The following CSMD3 variants were observed in gnomAD, a reference collection of about 807,000 sequenced individuals.
CSMD3 encodes CUB and sushi domain-containing protein 3.
A neutral mutation model predicts 435.2 loss-of-function variants in CSMD3; 177 were observed. That is an observed-to-expected ratio of 0.41 (90% confidence interval 0.36 to 0.46). The LOEUF (loss-of-function observed/expected upper bound fraction) is 0.46. Ranked by LOEUF, CSMD3 falls within the 20% of genes least tolerant of loss-of-function variation. The pLI is 0.34. For missense variants in CSMD3, 4,265 were observed against 4,504.6 expected (o/e 0.95, Z 1.52); for synonymous variants, 1,656 against 1,520.5 (o/e 1.09, Z -2.07).
At chr8:112,919,455 A>G (rs2130608300) in intron 10 of CSMD3, among the ~76,000 whole-genome samples, 1 of 152,022 alleles carries the variant, frequency 6.6e-6, no homozygotes. Context: ...TTGAATGAAC[A>G]AAGATGCTAT....
chr8:113,332,913 G>A (rs927933723), intron 1 of CSMD3, among the ~76,000 whole-genome samples: 1 of 151,630 alleles, frequency 6.6e-6, no homozygotes, highest in African/African-American at 2.4e-5. Flanking sequence ...GCATGGTACT[G>A]GTGGCATAAA....
In CSMD3 at chr8:113,019,120, T is replaced by C. The variant is rs770486527; in HGVS notation, c.977A>G (p.His326Arg). 11 of 1,613,762 alleles carry C rather than the reference T, an allele frequency of 6.8e-6. No individual in the cohort carries two copies. The highest frequency in any genetic ancestry group is 1.3e-5 in the African/African-American group (1 of 74,924). The change falls in exon 6 of 71, where the codon CAT (histidine) becomes CGT (arginine). Residue 326 changes from histidine (H) to arginine (R), a missense_variant. By Grantham distance (29) the His-to-Arg change is conservative. Transcript: ENST00000297405. ...IISNKNWLRL[H>R]FVTDSNHRYR... ...TCGATGATTGCTGTCTGTAACAAAATGCAGTCTGAGCCAGTTTTTGTTGCT... is the reference window on the plus strand; with the variant it reads ...TCGATGATTGCTGTCTGTAACAAAACGCAGTCTGAGCCAGTTTTTGTTGCT...
intron 10 of CSMD3, among the ~76,000 whole-genome samples, chr8:112,895,652 A>G (rs1029046859): frequency 6.6e-6 from 1 of 151,400 alleles, no homozygotes; most frequent in African/African-American, 2.4e-5. Context: ...AAGAGACTGA[A>G]CAGAAAAGAT....
chr8:113,411,554 A>C (rs1429162363), intron 1 of CSMD3, among the ~76,000 whole-genome samples: 1 of 152,154 alleles, frequency 6.6e-6, no homozygotes, highest in Non-Finnish European at 1.5e-5. Context: ...AACTTCAATA[A>C]GTTTTTTGGT....
intron 5 of CSMD3, among the ~76,000 whole-genome samples, chr8:113,086,091 C>A (rs187180259): frequency 0.43 from 65,197 of 151,300 alleles, 16,483 homozygotes; most frequent in East Asian, 0.86. Context: ...AACACACACA[C>A]ACAAAAATTA....
At chr8:112,482,619 T>C (rs1819738759) in intron 31 of CSMD3, among the ~76,000 whole-genome samples, 1 of 152,212 alleles carries the variant, frequency 6.6e-6, no homozygotes, top group Admixed American at 6.5e-5. Flanking sequence ...ATCTGAATTA[T>C]TGGCAGTTTT....
intron 32 of CSMD3, among the ~76,000 whole-genome samples, chr8:112,413,519 T>C (rs1301612466): frequency 6.6e-6 from 1 of 152,144 alleles, no homozygotes; most frequent in Admixed American, 6.5e-5. Context: ...GTGTGTAAGA[T>C]GGCATAAAGA....
At chr8:112,356,663 G>C (rs2131088581) in intron 38 of CSMD3, among the ~76,000 whole-genome samples, 1 of 151,706 alleles carries the variant, frequency 6.6e-6, no homozygotes, top group East Asian at 2.0e-4. Flanking sequence ...GAACCTGGTG[G>C]GAGGTAACTG....
At chr8:112,476,674 T>C (rs1819085650) in intron 31 of CSMD3, among the ~76,000 whole-genome samples, 1 of 152,230 alleles carries the variant, frequency 6.6e-6, no homozygotes, top group Non-Finnish European at 1.5e-5. Context: ...CTGTGTTTTA[T>C]GTATGCCTAT....
chr8:113,365,199 T>C (rs1199592009), intron 1 of CSMD3, among the ~76,000 whole-genome samples: 2 of 152,044 alleles, frequency 1.3e-5, no homozygotes, highest in African/African-American at 2.4e-5. Context: ...AAATAACTCA[T>C]TTTAACATGG....
chr8:112,669,897 T>A (rs1216387087), intron 16 of CSMD3, among the ~76,000 whole-genome samples: 4 of 152,164 alleles, frequency 2.6e-5, no homozygotes, highest in African/African-American at 4.8e-5. Flanking sequence ...ATTTAAATAA[T>A]TTGCATCTGA....
chr8:112,781,605 G>A (rs548104633), intron 13 of CSMD3, among the ~76,000 whole-genome samples: 70 of 152,188 alleles, frequency 4.6e-4, no homozygotes, highest in Non-Finnish European at 8.8e-4. Context: ...GGCAATAGTT[G>A]CCACAGGCCT....
chr8:113,426,024 A>G (rs1330810037), intron 1 of CSMD3, among the ~76,000 whole-genome samples: 1 of 151,506 alleles, frequency 6.6e-6, no homozygotes, highest in Non-Finnish European at 1.5e-5. Flanking sequence ...GTACATAGTT[A>G]GGTCACTTAG....
intron 20 of CSMD3, among the ~76,000 whole-genome samples, chr8:112,639,648 T>C (rs1023841224): frequency 3.3e-5 from 5 of 152,120 alleles, no homozygotes; most frequent in Non-Finnish European, 1.5e-5. Flanking sequence ...CTGCTTTGTA[T>C]ATATATTTTG....
At chr8:112,363,066 G>C (rs1586882122) in intron 38 of CSMD3, among the ~76,000 whole-genome samples, 1 of 152,102 alleles carries the variant, frequency 6.6e-6, no homozygotes, top group South Asian at 2.1e-4. Flanking sequence ...AGAATTCAGA[G>C]TTAAGACCAC....
intron 44 of CSMD3, 63 bp downstream of exon 44, chr8:112,336,589 T>C (rs1824582542): frequency 7.9e-7 from 1 of 1,272,494 alleles, no homozygotes; most frequent in Non-Finnish European, 1.1e-6. Context: ...GATATATTTT[T>C]ATTCCAACCT....
chr8:113,362,574 A>T (rs2094284330), intron 1 of CSMD3, among the ~76,000 whole-genome samples: 1 of 152,188 alleles, frequency 6.6e-6, no homozygotes, highest in African/African-American at 2.4e-5. Flanking sequence ...GAAAACTTTT[A>T]AGCCCGAGGC....
At chr8:112,421,210 T>G (rs1225534595) in intron 32 of CSMD3, among the ~76,000 whole-genome samples, 1 of 152,060 alleles carries the variant, frequency 6.6e-6, no homozygotes, top group Non-Finnish European at 1.5e-5. Flanking sequence ...CAAGCTTACT[T>G]ATTCTCACTA....
Position 112,486,758 on chromosome 8 carries a change from T to G in CSMD3, c.5278+5731A>C, listed in dbSNP as rs376695997. 1.3e-4 allele frequency among the ~76,000 whole-genome samples: 20 copies of G among 152,248 alleles called. No individual in the cohort carries two copies. The South Asian group carries it at 1.9e-3, about 14-fold the overall frequency. On this transcript the variant is annotated intron_variant, in intron 31 of 70. Coordinates refer to ENST00000297405, the MANE Select transcript of CSMD3 (RefSeq NM_198123.2). ...GATCTCTCTTCACAGCAAGATCAGA[T>G]GTATATCCATGCTGTGCTCACAGTA...
Sources: allele counts gnomAD v4.1 joint callset (sites outside exome capture counted in the v4.1 genomes callset), GRCh38; gene constraint gnomAD v4.1.1; transcripts MANE v1.5; gene names NCBI Gene and HGNC (gene_info 2026-07-23, HGNC 2026-07-21).